The following RSBN1L variants were observed in gnomAD, a reference collection of about 807,000 sequenced individuals.
The protein encoded by RSBN1L is lysine-specific demethylase RSBN1L.
RSBN1L carries 30 observed loss-of-function variants against 67.7 expected under a neutral mutation model. The observed-to-expected ratio is 0.44, with a 90% confidence interval of 0.33 to 0.60. The LOEUF is 0.60. Among genes scored for constraint, RSBN1L ranks in the 20% least tolerant of loss-of-function variants. The probability of loss-of-function intolerance (pLI) is 0.02; values close to 1 mark genes in which losing one functional copy is unlikely to be tolerated. For missense variants in RSBN1L, 992 were observed against 1,031.7 expected, an observed-to-expected ratio of 0.96 and a Z score of 0.53; for synonymous variants, 433 against 387.0, an observed-to-expected ratio of 1.12 and a Z score of -1.39.
chr7:77,770,625 A>G (rs1340469755), intron 5 of RSBN1L, among the ~76,000 whole-genome samples: 1 of 151,524 alleles, frequency 6.6e-6, no homozygotes, highest in African/African-American at 2.4e-5. Flanking sequence ...AGGCTGCAGT[A>G]AGCTATGAGT....
intron 2 of RSBN1L, among the ~76,000 whole-genome samples, chr7:77,747,949 G>C (rs569372829): frequency 2.0e-5 from 3 of 151,936 alleles, no homozygotes; most frequent in Admixed American, 2.0e-4. Context: ...ACATCAAATG[G>C]ATAGAAAAGA....
chr7:77,775,971 G>A (rs755068846), intron 6 of RSBN1L, among the ~76,000 whole-genome samples: 4 of 152,032 alleles, frequency 2.6e-5, no homozygotes, highest in East Asian at 1.9e-4. Context: ...CACAAGAATC[G>A]CTTGAACCTA....
intron 1 of RSBN1L, among the ~76,000 whole-genome samples, chr7:77,720,814 C>T (rs566498427): frequency 3.8e-5 from 5 of 133,140 alleles, no homozygotes; most frequent in Non-Finnish European, 7.7e-5. Flanking sequence ...CACCCAGGCT[C>T]GAGTGCAGTG....
chr7:77,726,697 CCT>C (rs1409125598), intron 1 of RSBN1L, among the ~76,000 whole-genome samples: 1 of 151,770 alleles, frequency 6.6e-6, no homozygotes, highest in African/African-American at 2.4e-5. Context: ...GCAACTTCTG[CCT>C]CTCGGGTTCA....
At chr7:77,754,484 TGCAGA>T (rs1350597060) in intron 3 of RSBN1L, among the ~76,000 whole-genome samples, 1 of 152,216 alleles carries the variant, frequency 6.6e-6, no homozygotes, top group Non-Finnish European at 1.5e-5. Flanking sequence ...ATAGAGGTCT[TGCAGA>T]TTTTTAAGAT....
intron 1 of RSBN1L, among the ~76,000 whole-genome samples, chr7:77,725,687 G>A (rs932724995): frequency 1.3e-5 from 2 of 151,160 alleles, no homozygotes; most frequent in Non-Finnish European, 2.9e-5. Context: ...CTCAGGCTGG[G>A]TTCAAGCAGT....
chr7:77,757,678 T>C (rs1003029672), intron 3 of RSBN1L, among the ~76,000 whole-genome samples: 2 of 152,250 alleles, frequency 1.3e-5, no homozygotes, highest in African/African-American at 4.8e-5. Context: ...TGTCTGATGA[T>C]TGGCAGACCA....
chr7:77,748,124 G>T (rs535077945), intron 2 of RSBN1L, among the ~76,000 whole-genome samples: 24 of 152,178 alleles, frequency 1.6e-4, no homozygotes, highest in Admixed American at 1.1e-3. Context: ...AGAGATTATA[G>T]GTAGACATTG....
chr7:77,744,682 T>A (rs1791458812), intron 2 of RSBN1L, among the ~76,000 whole-genome samples: 1 of 151,982 alleles, frequency 6.6e-6, no homozygotes, highest in Non-Finnish European at 1.5e-5. Flanking sequence ...CCTCCCAAAG[T>A]GCTGGGATTA....
intron 3 of RSBN1L, among the ~76,000 whole-genome samples, chr7:77,751,175 A>T (rs1490062945): frequency 6.6e-6 from 1 of 151,202 alleles, no homozygotes; most frequent in Non-Finnish European, 1.5e-5. Flanking sequence ...GTTTTTTGAG[A>T]TGGAGTCAGA....
chr7:77,776,783 T>G (rs1791920074), intron 6 of RSBN1L, among the ~76,000 whole-genome samples: 1 of 152,156 alleles, frequency 6.6e-6, no homozygotes, highest in Non-Finnish European at 1.5e-5. Context: ...TCTTTTAACT[T>G]ATCTGTATGT....
chr7:77,703,476 G>GTTTTTTTTTT (rs1562792479), intron 1 of RSBN1L, among the ~76,000 whole-genome samples: 4 of 101,550 alleles, frequency 3.9e-5, no homozygotes, highest in African/African-American at 1.4e-4. Context: ...CTACTGTTTG[G>GTTTTTTTTTT]GTTTTTTTTT....
intron 1 of RSBN1L, among the ~76,000 whole-genome samples, chr7:77,699,031 A>T (rs1325297806): frequency 6.6e-6 from 1 of 152,220 alleles, no homozygotes; most frequent in Non-Finnish European, 1.5e-5. Context: ...GCAAGAATAC[A>T]TATATGCCTT....
At chr7:77,707,722 C>G (rs1477595267) in intron 1 of RSBN1L, among the ~76,000 whole-genome samples, 2 of 152,062 alleles carry the variant, frequency 1.3e-5, no homozygotes, top group East Asian at 1.9e-4. Flanking sequence ...TCAAGCACTT[C>G]TTTCTTTTTT....
Position 77,750,979 on chromosome 7 carries a change from T to TC in RSBN1L, c.1344+917dup, listed in dbSNP as rs1791549425. 5.9e-5 allele frequency among the ~76,000 whole-genome samples: 9 copies of TC among 152,312 alleles called. No homozygotes were observed. In the South Asian group the frequency reaches 1.9e-3, roughly 32 times the overall value. On this transcript the variant is annotated intron_variant, in intron 3 of 7. Transcript: ENST00000334955. Reference sequence around the variant, plus strand: ...CAAAATCTTAATCTTCATCCAGGGCTCCTTTCCTTATTCTGAATATGTTCC... The same window carrying TC: ...CAAAATCTTAATCTTCATCCAGGGCTCCCTTTCCTTATTCTGAATATGTTCC...
At chr7:77,758,137 G>C (rs1007563724) in intron 3 of RSBN1L, among the ~76,000 whole-genome samples, 1 of 152,070 alleles carries the variant, frequency 6.6e-6, no homozygotes, top group African/African-American at 2.4e-5. Context: ...TGTTATATGT[G>C]TTTTGTATTT....
chr7:77,717,264 G>A (rs1050409697), intron 1 of RSBN1L, among the ~76,000 whole-genome samples: 6 of 151,968 alleles, frequency 3.9e-5, no homozygotes, highest in Admixed American at 2.6e-4. Flanking sequence ...ATTTTATATC[G>A]TCTTAGAGAT....
chr7:77,760,193 A>G (rs753051243), intron 3 of RSBN1L, among the ~76,000 whole-genome samples: 1 of 152,214 alleles, frequency 6.6e-6, no homozygotes, highest in African/African-American at 2.4e-5. Flanking sequence ...TCAGAATCCT[A>G]AAGTGTTTTT....
intron 5 of RSBN1L, 46 bp downstream of exon 5, chr7:77,768,849 G>C (rs1161019998): frequency 6.4e-7 from 1 of 1,563,092 alleles, no homozygotes; most frequent in Admixed American, 1.7e-5. Context: ...GTGTTTGTAT[G>C]TTGGGGTGTG....
Sources: gnomAD v4.1 joint callset for allele counts (sites outside exome capture counted in the v4.1 genomes callset) on GRCh38, gnomAD v4.1.1 for gene constraint, MANE v1.5 for transcripts, NCBI Gene and HGNC (gene_info 2026-07-23, HGNC 2026-07-21) for gene names.